The following TRIO variants were observed in gnomAD, a reference collection of about 807,000 sequenced individuals.
The protein encoded by TRIO is triple functional domain protein.
In TRIO, 58 loss-of-function variants were observed where a neutral mutation model predicts 351.9. The observed-to-expected ratio is 0.16, with a 90% CI of 0.13 to 0.21. The LOEUF (loss-of-function observed/expected upper bound fraction) is 0.21. TRIO is among the 10% of genes least tolerant of loss of function. The pLI is 1.00. For synonymous variants in TRIO, 1,758 were observed against 1,595.7 expected, an observed-to-expected ratio of 1.10 and a Z score of -2.42; for missense variants, 3,201 against 4,027.8, an observed-to-expected ratio of 0.79 and a Z score of 5.56.
intron 6 of TRIO, among the ~76,000 whole-genome samples, chr5:14,294,015 A>G (rs941086420): frequency 3.0e-4 from 19 of 62,388 alleles, no homozygotes; most frequent in Non-Finnish European, 3.8e-4. Flanking sequence ...ATCTCTAAAA[A>G]AAAAAAATAA....
At chr5:14,223,309 C>T (rs1792768374) in intron 1 of TRIO, among the ~76,000 whole-genome samples, 1 of 152,314 alleles carries the variant, frequency 6.6e-6, no homozygotes, top group Non-Finnish European at 1.5e-5. Context: ...TTTGAGTTCC[C>T]CCAGAAAAAC....
chr5:14,295,905 T>C (rs1299232300), intron 6 of TRIO, among the ~76,000 whole-genome samples: 1 of 152,226 alleles, frequency 6.6e-6, no homozygotes, highest in African/African-American at 2.4e-5. Context: ...GCTGGAGTCC[T>C]GTGGCTCTAA....
chr5:14,223,295 G>A lies in TRIO; in HGVS notation c.158-47530G>A, dbSNP rs147478871. Among the ~76,000 whole-genome samples the A allele has an allele frequency of 2.4e-4, 37 of 152,226 alleles. No individual in the cohort carries two copies. In the East Asian group the frequency reaches 6.4e-3, roughly 26 times the overall value. On this transcript the variant is annotated intron_variant, in intron 1 of 56. Coordinates refer to ENST00000344204, the MANE Select transcript of TRIO (RefSeq NM_007118.4). ...AATGGGTCGACAAAAATGTATGCAC[G>A]TCTTTTGAGTTCCCCCAGAAAAACG... is the stretch of plus-strand genomic sequence containing the variant.
Position 14,497,699 on chromosome 5 carries a change from G to A in TRIO, c.8020-148G>A. On this transcript the variant is annotated intron_variant, in intron 50 of 56. Transcript: ENST00000344204. The surrounding 1 kb of genome is among the most constrained non-coding windows in gnomAD (Gnocchi z 4.4). ...AATTAGTGTGACATGAAACTTTTGA[G>A]TGCAGTGAAAATGTGGTCTGTTTTG... 1 of 976,980 alleles carries A rather than the reference G, an allele frequency of 1.0e-6. No individual in the cohort carries two copies. Among genetic ancestry groups the A allele is most frequent in the East Asian group, 2.4e-5 (1 of 41,940 alleles). The allele number at this position is 976,980 out of a possible 1,614,324, so 60.5% of individuals were successfully genotyped here. A position where few individuals can be genotyped will look rare whatever the true frequency, so the allele number is the denominator to read the frequency against.
In TRIO at chr5:14,297,055, T is replaced by A. The variant is rs1400563956; in HGVS notation, c.1177-17T>A. The A allele has an allele frequency of 5.6e-6, 9 of 1,601,638 alleles. No homozygotes were observed. Among genetic ancestry groups the A allele is most frequent in the Admixed American group, 1.7e-5 (1 of 59,688 alleles). On this transcript the variant is annotated splice_polypyrimidine_tract_variant and intron_variant, in intron 6 of 56. Transcript: ENST00000344204. ...TGCTCTCCCCTAAGGAGCCCTCTTT[T>A]CCTGCCCACTTTCCAGAACGTGTAT...
intron 1 of TRIO, among the ~76,000 whole-genome samples, chr5:14,234,181 C>T (rs957032550): frequency 1.3e-5 from 2 of 152,234 alleles, no homozygotes; most frequent in South Asian, 2.1e-4. Flanking sequence ...TGTACAAAGA[C>T]GATGTTGACT....
chr5:14,428,699 T>C (rs930800939), intron 34 of TRIO, among the ~76,000 whole-genome samples: 2 of 152,194 alleles, frequency 1.3e-5, no homozygotes, highest in Non-Finnish European at 2.9e-5. Context: ...ACAGGAAAAA[T>C]CCACGAGCAG....
chr5:14,180,268 A>G (rs1241550986), intron 1 of TRIO, among the ~76,000 whole-genome samples: 2 of 152,174 alleles, frequency 1.3e-5, no homozygotes, highest in East Asian at 3.8e-4. Flanking sequence ...CAAACCGATC[A>G]TTAGATGTTG....
intron 34 of TRIO, among the ~76,000 whole-genome samples, chr5:14,460,316 C>T (rs1229369915): frequency 6.6e-6 from 1 of 152,184 alleles, no homozygotes; most frequent in African/African-American, 2.4e-5. Flanking sequence ...AGCAAAGTCC[C>T]GGTGTGCCGC....
rs965525247 is a variant in TRIO at position 14,377,864 on chromosome 5, C to T, written c.3332-148C>T. The T allele has an allele frequency of 3.4e-5, 21 of 623,888 alleles. No individual in the cohort carries two copies. In the Admixed American group the frequency reaches 3.8e-4, roughly 11 times the overall value. The allele number at this position is 623,888 out of a possible 1,614,324, so 38.6% of individuals were successfully genotyped here. ...AGAAGAGGTCTGGTAGACATGCTCA[C>T]TGAGACAGGAAAGCAGTGTGATTCT... On this transcript the variant is annotated intron_variant, in intron 19 of 56. Coordinates refer to ENST00000344204, the MANE Select transcript of TRIO (RefSeq NM_007118.4).
Position 14,297,198 on chromosome 5 carries a change from G to A in TRIO, c.1303G>A (p.Ala435Thr). ...GGAGCAGGAGTGGAAGGCGTTTGCG[G>A]CAGCCCTGGATGAGCGGAGCACCTT... is the stretch of plus-strand genomic sequence containing the variant. ...QLEQEWKAFA[A>T]ALDERSTLLD... Residue 435 changes from alanine to threonine, a missense_variant, in exon 7 of 57, where the codon GCA becomes ACA. This residue lies in a region of TRIO where 349 missense variants were observed against 449.3 expected (regional missense o/e 0.78). Coordinates refer to ENST00000344204, the MANE Select transcript of TRIO (RefSeq NM_007118.4). 1 of 1,614,188 alleles carries A rather than the reference G, an allele frequency of 6.2e-7. No individual in the cohort carries two copies.
At chr5:14,395,085 T>A (rs1421502395) in intron 28 of TRIO, among the ~76,000 whole-genome samples, 1 of 152,184 alleles carries the variant, frequency 6.6e-6, no homozygotes, top group African/African-American at 2.4e-5. Context: ...ATAAAAGAAA[T>A]TTAGAAGATG....
chr5:14,190,707 C>T (rs916116062), intron 1 of TRIO, among the ~76,000 whole-genome samples: 1 of 152,150 alleles, frequency 6.6e-6, no homozygotes, highest in East Asian at 1.9e-4. Context: ...ACTTGTAGAG[C>T]TTCTGGTCCT....
At chr5:14,246,164 C>G (rs1240083713) in intron 1 of TRIO, among the ~76,000 whole-genome samples, 1 of 152,134 alleles carries the variant, frequency 6.6e-6, no homozygotes, top group Non-Finnish European at 1.5e-5. Flanking sequence ...CAATTTAAAT[C>G]AGAAGGTGAA....
At chr5:14,323,145 C>T (rs1740037078) in intron 9 of TRIO, among the ~76,000 whole-genome samples, 1 of 152,048 alleles carries the variant, frequency 6.6e-6, no homozygotes, top group African/African-American at 2.4e-5. Context: ...TGCTAGACCT[C>T]AAAAGTTCCC....
chr5:14,212,447 G>T (rs1466069667), intron 1 of TRIO, among the ~76,000 whole-genome samples: 5 of 152,120 alleles, frequency 3.3e-5, no homozygotes, highest in Admixed American at 2.6e-4. Flanking sequence ...TCTCCCTCCA[G>T]ACTCACATAC....
intron 32 of TRIO, 33 bp from the exon 33 acceptor site, chr5:14,406,540 C>T (rs1748734070): frequency 6.2e-7 from 1 of 1,601,122 alleles, no homozygotes; most frequent in African/African-American, 1.3e-5. Context: ...AGCTCAGCAG[C>T]ATCAGGAACT....
chr5:14,314,145 C>A (rs189622664), intron 8 of TRIO, among the ~76,000 whole-genome samples: 1 of 152,166 alleles, frequency 6.6e-6, no homozygotes, highest in Admixed American at 6.5e-5. Flanking sequence ...GCTCTCAGTT[C>A]TAAGAGATGC....
chr5:14,353,231 T>C (rs568489065), intron 11 of TRIO, among the ~76,000 whole-genome samples: 4 of 152,094 alleles, frequency 2.6e-5, no homozygotes, highest in South Asian at 4.1e-4. Context: ...TACTTATTTC[T>C]TCACTCTGCA....
Sources: allele counts gnomAD v4.1 joint callset (sites outside exome capture counted in the v4.1 genomes callset), GRCh38; gene constraint gnomAD v4.1.1; regional missense constraint gnomAD v4.1.1; non-coding constraint Gnocchi (gnomAD v3.1); transcripts MANE v1.5; gene names NCBI Gene and HGNC (gene_info 2026-07-23, HGNC 2026-07-21).